Variants in PPP2R5E observed in about 807,000 individuals in gnomAD.
The protein encoded by PPP2R5E is protein phosphatase 2 regulatory subunit B'epsilon.
A neutral mutation model predicts 65.3 loss-of-function variants in PPP2R5E; 4 were observed. The ratio of observed to expected loss-of-function variants is 0.06; its 90% CI spans 0.03 to 0.14. The LOEUF (loss-of-function observed/expected upper bound fraction) is 0.14, where lower values mean the gene tolerates loss of function less well. Among genes scored for constraint, PPP2R5E ranks in the 10% least tolerant of loss-of-function variants. The pLI is 1.00. For synonymous variants in PPP2R5E, 183 were observed against 187.4 expected (o/e 0.98, Z 0.19); for missense variants, 274 against 556.1 (o/e 0.49, Z 5.10).
At chr14:63,494,828 C>T (rs1027696064) in intron 2 of PPP2R5E, among the ~76,000 whole-genome samples, 1 of 151,598 alleles carries the variant, frequency 6.6e-6, no homozygotes, top group African/African-American at 2.4e-5. Flanking sequence ...GCCCAGGGGG[C>T]GGAGGCTGCA....
intron 2 of PPP2R5E, among the ~76,000 whole-genome samples, chr14:63,483,697 C>T (rs1343572043): frequency 6.6e-6 from 1 of 152,072 alleles, no homozygotes; most frequent in Non-Finnish European, 1.5e-5. Context: ...CCACAGGGGC[C>T]ACGCTAGAGA....
At chr14:63,399,379 T>C (rs1175117452) in intron 5 of PPP2R5E, among the ~76,000 whole-genome samples, 1 of 120,250 alleles carries the variant, frequency 8.3e-6, no homozygotes, top group African/African-American at 3.2e-5. Flanking sequence ...TTTTTTTTTT[T>C]TTTTTTTTTT....
chr14:63,480,075 A>G (rs1472390099), intron 2 of PPP2R5E, among the ~76,000 whole-genome samples: 1 of 152,192 alleles, frequency 6.6e-6, no homozygotes, highest in Non-Finnish European at 1.5e-5. Context: ...ATCACCCAGG[A>G]TCAAAAATTA....
At chr14:63,429,282 C>A (rs573562485) in intron 3 of PPP2R5E, among the ~76,000 whole-genome samples, 35 of 152,296 alleles carry the variant, frequency 2.3e-4, no homozygotes, top group Admixed American at 5.2e-4. Flanking sequence ...ATCTGTGAAA[C>A]TGTAAGTTCA....
chr14:63,537,094 G>A (rs889849410), intron 2 of PPP2R5E, among the ~76,000 whole-genome samples: 1 of 152,148 alleles, frequency 6.6e-6, no homozygotes, highest in African/African-American at 2.4e-5. Context: ...ATTAAAGCAT[G>A]TGTCCAAATT....
At chr14:63,388,114 T>C (rs2139767803) in intron 11 of PPP2R5E, among the ~76,000 whole-genome samples, 1 of 143,852 alleles carries the variant, frequency 7.0e-6, no homozygotes, top group Admixed American at 6.9e-5. Flanking sequence ...GTGATGCTCT[T>C]TTTTTTTTTT....
chr14:63,381,679 C>T (rs1884370047), intron 13 of PPP2R5E, among the ~76,000 whole-genome samples: 1 of 152,196 alleles, frequency 6.6e-6, no homozygotes, highest in Non-Finnish European at 1.5e-5. Context: ...ACACAGACCA[C>T]ATATACCACG....
At chr14:63,509,699 C>T (rs896799004) in intron 2 of PPP2R5E, among the ~76,000 whole-genome samples, 5 of 152,166 alleles carry the variant, frequency 3.3e-5, no homozygotes, top group Non-Finnish European at 5.9e-5. Flanking sequence ...CAAACACACA[C>T]CTGCAAATGG....
chr14:63,469,713 T>C (rs1890022564), intron 2 of PPP2R5E, among the ~76,000 whole-genome samples: 2 of 151,956 alleles, frequency 1.3e-5, no homozygotes, highest in Admixed American at 1.3e-4. Flanking sequence ...AAGTAAAGTA[T>C]CTGAATTTCA....
intron 3 of PPP2R5E, among the ~76,000 whole-genome samples, chr14:63,446,547 C>T (rs901517314): frequency 5.3e-5 from 8 of 151,976 alleles, no homozygotes; most frequent in African/African-American, 1.7e-4. Flanking sequence ...AAACAACATT[C>T]GGCCGGGCAC....
chr14:63,532,714 C>T (rs1893488425), intron 2 of PPP2R5E, among the ~76,000 whole-genome samples: 1 of 152,222 alleles, frequency 6.6e-6, no homozygotes. Context: ...GCAGTTAACG[C>T]ATTTGTCCAA....
intron 2 of PPP2R5E, among the ~76,000 whole-genome samples, chr14:63,493,658 T>C (rs112504266): frequency 2.6e-5 from 2 of 77,644 alleles, no homozygotes; most frequent in African/African-American, 2.2e-4. Flanking sequence ...GTTTTGCACA[T>C]GTGGCAAGAC....
chr14:63,535,069 G>A (rs547993226), intron 2 of PPP2R5E, among the ~76,000 whole-genome samples: 58 of 152,292 alleles, frequency 3.8e-4, no homozygotes, highest in Non-Finnish European at 7.2e-4. Flanking sequence ...ATTACAGGTG[G>A]TGTTGCTTTC....
intron 2 of PPP2R5E, among the ~76,000 whole-genome samples, chr14:63,520,859 C>CAAAAAAAAAAAAAAAAAAAAAAA: frequency 1.7e-5 from 1 of 58,522 alleles, no homozygotes; most frequent in Non-Finnish European, 4.1e-5. Context: ...ACTAAAAATA[C>CAAAAAAAAAAAAAAAAAAAAAAA]AAAAAAAAAA....
At chr14:63,382,781 T>C (rs75719253) in intron 12 of PPP2R5E, among the ~76,000 whole-genome samples, 1,944 of 152,282 alleles carry the variant, frequency 0.013, 59 homozygotes, top group East Asian at 0.12. Context: ...GCAAGTATAA[T>C]AGTAAAGCAA....
Position 63,375,824 on chromosome 14 carries a change from T to G in PPP2R5E, c.*185A>C, listed in dbSNP as rs1372261500. ...TGAGAAGTCCATCTACTGTCCAAACTTTGGATTGAAGTCCTTATTTTGTTT... is the reference window on the plus strand; with the variant it reads ...TGAGAAGTCCATCTACTGTCCAAACGTTGGATTGAAGTCCTTATTTTGTTT... On this transcript the variant is annotated 3_prime_UTR_variant, in exon 14 of 14. Coordinates refer to ENST00000337537, the MANE Select transcript of PPP2R5E (RefSeq NM_006246.5). The G allele has an allele frequency of 2.4e-6, 1 of 408,676 alleles. No homozygotes were observed. Among genetic ancestry groups the G allele is most frequent in the East Asian group, 3.8e-5 (1 of 26,358 alleles). The allele number at this position is 408,676 out of a possible 1,614,324, so 25.3% of individuals were successfully genotyped here. A position where few individuals can be genotyped will look rare whatever the true frequency, so the allele number is the denominator to read the frequency against.
At chr14:63,485,196 T>TAA (rs200719135) in intron 2 of PPP2R5E, among the ~76,000 whole-genome samples, 232 of 126,374 alleles carry the variant, frequency 1.8e-3, no homozygotes, top group Middle Eastern at 8.2e-3. Flanking sequence ...TATACTCATT[T>TAA]AAAAAAAAAA....
At chr14:63,533,917 A>T (rs1243743115) in intron 2 of PPP2R5E, among the ~76,000 whole-genome samples, 1 of 152,240 alleles carries the variant, frequency 6.6e-6, no homozygotes, top group Non-Finnish European at 1.5e-5. Context: ...ACTGCACTCC[A>T]GCCTGGGTGA....
chr14:63,506,566 G>A (rs1435908870), intron 2 of PPP2R5E, among the ~76,000 whole-genome samples: 1 of 152,152 alleles, frequency 6.6e-6, no homozygotes, highest in Non-Finnish European at 1.5e-5. Flanking sequence ...AACATGCAAA[G>A]ATGTTCAACA....
Sources: allele counts gnomAD v4.1 joint callset (sites outside exome capture counted in the v4.1 genomes callset), GRCh38; gene constraint gnomAD v4.1.1; transcripts MANE v1.5; gene names NCBI Gene and HGNC (gene_info 2026-07-23, HGNC 2026-07-21).